KRTAP22-2: variants seen among roughly 807,000 people sequenced by gnomAD.
The protein encoded by KRTAP22-2 is keratin associated protein 22-2.
For synonymous variants in KRTAP22-2, 19 were observed against 21.1 expected, an observed-to-expected ratio of 0.90 and a Z score of 0.28; for missense variants, 52 against 51.2, an observed-to-expected ratio of 1.02 and a Z score of -0.05.
Position 30,590,361 on chromosome 21 carries a change from T to C in KRTAP22-2, c.14A>G (p.His5Arg). The C allele has an allele frequency of 6.4e-7, 1 of 1,551,130 alleles. No homozygotes were observed. Among genetic ancestry groups the C allele is most frequent in the Non-Finnish European group, 8.7e-7 (1 of 1,146,630 alleles). The change falls in exon 1 of 1, where the codon CAC becomes CGC. Residue 5 changes from histidine (H) to arginine (R), a missense_variant. Physicochemically the swap from His to Arg is conservative, Grantham distance 29. Coordinates refer to ENST00000382830, the MANE Select transcript of KRTAP22-2 (RefSeq NM_001164434.1). ...ATAGTCCAGGCTACCATAATAGTTG[T>C]GGTAGTAGCACATGGTGTCAGAAGA... MCYY[H>R]NYYGSLDYGC... is the part of the protein sequence containing the mutation.
Position 30,590,189 on chromosome 21 carries a change from T to C in KRTAP22-2, c.*48A>G, listed in dbSNP as rs1466434978. On this transcript the variant is annotated 3_prime_UTR_variant, in exon 1 of 1. Transcript: ENST00000382830. ...AATAACGAATCCATAAATAACCCTG[T>C]TGATGCAATTAGTGCATCACAAGAA... 3 of 1,510,360 alleles carry C rather than the reference T, an allele frequency of 2.0e-6. No homozygotes were observed. In the Admixed American group the frequency reaches 6.0e-5, roughly 30 times the overall value. The allele number at this position is 1,510,360 out of a possible 1,614,324, so 93.6% of individuals were successfully genotyped here. A position where few individuals can be genotyped will look rare whatever the true frequency, so the allele number is the denominator to read the frequency against.
chr21:30,590,203 G>T lies in KRTAP22-2; in HGVS notation c.*34C>A. On this transcript the variant is annotated 3_prime_UTR_variant, in exon 1 of 1. Transcript: ENST00000382830. Reference sequence around the variant, plus strand: ...AAATAACCCTGTTGATGCAATTAGTGCATCACAAGAAAATGGCTCAAAGTG... The same window carrying T: ...AAATAACCCTGTTGATGCAATTAGTTCATCACAAGAAAATGGCTCAAAGTG... The T allele has an allele frequency of 6.5e-7, 1 of 1,543,918 alleles. No individual in the cohort carries two copies. The highest frequency in any genetic ancestry group is 8.8e-7 in the Non-Finnish European group (1 of 1,141,272).
At position 30,590,389 on chromosome 21, in the gene KRTAP22-2, G is replaced by C. The variant is rs567036882; in HGVS notation, c.-15C>G. The C allele has an allele frequency of 1.3e-6, 2 of 1,549,020 alleles. No homozygotes were observed. Among genetic ancestry groups the C allele is most frequent in the Non-Finnish European group, 1.7e-6 (2 of 1,145,210 alleles). On this transcript the variant is annotated 5_prime_UTR_variant, in exon 1 of 1. Coordinates refer to ENST00000382830, the MANE Select transcript of KRTAP22-2 (RefSeq NM_001164434.1). ...TAGTAGCACATGGTGTCAGAAGATG[G>C]AGTTCAATTGAGGCAGATAGTAGTT...
In KRTAP22-2 at chr21:30,590,260, A is replaced by G. The variant is rs781102569; in HGVS notation, c.115T>C (p.Leu39=). 2.1e-5 allele frequency: 32 copies of G among 1,551,198 alleles called. 2 individuals carry two copies. In the South Asian group the frequency reaches 3.7e-4, roughly 18 times the overall value. Residue 39 remains leucine (L), a synonymous_variant, in exon 1 of 1, where the codon TTG becomes CTG. Transcript: ENST00000382830. The stretch of plus-strand genomic sequence containing the variant: ...AATCAGAATTTCTTTCTAGGAGCCA[A>G]TAGGAATCTTCCATAGGAGCACGGA... ...NFPCSYGRFL[L]APRKKF is the part of the protein sequence containing the mutation.
chr21:30,590,238 CAG>C, the KRTAP22-2 span: 1 of 1,550,930 alleles, frequency 6.4e-7, no homozygotes, highest in Non-Finnish European at 8.7e-7. Context: ...GATCAGCAAT[CAG>C]AATTTCTTTC....
Position 30,590,377 on chromosome 21 carries a change from T to G in KRTAP22-2, c.-3A>C. ...TAATAGTTGTGGTAGTAGCACATGG[T>G]GTCAGAAGATGGAGTTCAATTGAGG... is the stretch of plus-strand genomic sequence containing the variant. On this transcript the variant is annotated 5_prime_UTR_variant, in exon 1 of 1. Transcript: ENST00000382830. 2 of 1,550,796 alleles carry G rather than the reference T, an allele frequency of 1.3e-6. No homozygotes were observed. Among genetic ancestry groups the G allele is most frequent in the Non-Finnish European group, 8.7e-7 (1 of 1,146,372 alleles).
rs1324877012 is a variant in KRTAP22-2 at position 30,590,234 on chromosome 21, C to A, written c.*3G>T. On this transcript the variant is annotated 3_prime_UTR_variant, in exon 1 of 1. Coordinates refer to ENST00000382830, the MANE Select transcript of KRTAP22-2 (RefSeq NM_001164434.1). Reference sequence around the variant, plus strand: ...CAAGAAAATGGCTCAAAGTGATCAGCAATCAGAATTTCTTTCTAGGAGCCA... The same window carrying A: ...CAAGAAAATGGCTCAAAGTGATCAGAAATCAGAATTTCTTTCTAGGAGCCA... 6.4e-7 allele frequency: 1 copy of A among 1,550,812 alleles called. No homozygotes were observed. Among genetic ancestry groups the A allele is most frequent in the African/African-American group, 1.4e-5 (1 of 73,106 alleles).
rs1201618964 is a variant in KRTAP22-2 at position 30,590,205 on chromosome 21, A to G, written c.*32T>C. On this transcript the variant is annotated 3_prime_UTR_variant, in exon 1 of 1. Coordinates refer to ENST00000382830, the MANE Select transcript of KRTAP22-2 (RefSeq NM_001164434.1). ...ATAACCCTGTTGATGCAATTAGTGC[A>G]TCACAAGAAAATGGCTCAAAGTGAT... The G allele has an allele frequency of 7.8e-6, 12 of 1,547,070 alleles. No individual in the cohort carries two copies. The highest frequency in any genetic ancestry group is 1.7e-4 in the Middle Eastern group (1 of 5,990).
rs1979997037 is a variant in KRTAP22-2 at position 30,590,350 on chromosome 21, CATA to C, written c.22_24del (p.Tyr8del). The C allele has an allele frequency of 6.4e-7, 1 of 1,551,246 alleles. No homozygotes were observed. The highest frequency in any genetic ancestry group is 8.7e-7 in the Non-Finnish European group (1 of 1,146,666). On this transcript the variant is annotated inframe_deletion, in exon 1 of 1. Transcript: ENST00000382830. ...TAGCTGCAACCATAGTCCAGGCTACCATAATAGTTGTGGTAGTAGCACATGGTG... is the reference window on the plus strand; with the variant it reads ...TAGCTGCAACCATAGTCCAGGCTACCATAGTTGTGGTAGTAGCACATGGTG...
chr21:30,590,219 G>A lies in KRTAP22-2; in HGVS notation c.*18C>T. The A allele has an allele frequency of 1.3e-6, 2 of 1,549,824 alleles. No homozygotes were observed. Among genetic ancestry groups the A allele is most frequent in the Non-Finnish European group, 1.7e-6 (2 of 1,145,856 alleles). ...GCAATTAGTGCATCACAAGAAAATGGCTCAAAGTGATCAGCAATCAGAATT... is the reference window on the plus strand; with the variant it reads ...GCAATTAGTGCATCACAAGAAAATGACTCAAAGTGATCAGCAATCAGAATT... On this transcript the variant is annotated 3_prime_UTR_variant, in exon 1 of 1. Transcript: ENST00000382830.
In KRTAP22-2 at chr21:30,590,377, T is replaced by C; in HGVS notation, c.-3A>G. 1 of 1,550,796 alleles carries C rather than the reference T, an allele frequency of 6.4e-7. No individual in the cohort carries two copies. Among genetic ancestry groups the C allele is most frequent in the Non-Finnish European group, 8.7e-7 (1 of 1,146,372 alleles). ...TAATAGTTGTGGTAGTAGCACATGG[T>C]GTCAGAAGATGGAGTTCAATTGAGG... On this transcript the variant is annotated 5_prime_UTR_variant, in exon 1 of 1. Coordinates refer to ENST00000382830, the MANE Select transcript of KRTAP22-2 (RefSeq NM_001164434.1).
Sources: gnomAD v4.1 joint callset for allele counts on GRCh38, gnomAD v4.1.1 for gene constraint, MANE v1.5 for transcripts, NCBI Gene and HGNC (gene_info 2026-07-23, HGNC 2026-07-21) for gene names.